LYPD6: variants seen among roughly 807,000 people sequenced by gnomAD.
LYPD6 encodes LY6/PLAUR domain containing 6, also known as ly6/PLAUR domain-containing protein 6.
LYPD6 carries 15 observed loss-of-function variants against 22.7 expected under a neutral mutation model. The ratio of observed to expected loss-of-function variants is 0.66; its 90% CI spans 0.44 to 1.02. The LOEUF is 1.02. Ranked by LOEUF, LYPD6 falls within the 50% of genes least tolerant of loss-of-function variation. The pLI, the probability that LYPD6 is intolerant of heterozygous loss-of-function variation, is 0.00. For missense variants in LYPD6, 189 were observed against 208.4 expected, an observed-to-expected ratio of 0.91 and a Z score of 0.57; for synonymous variants, 72 against 77.5, an observed-to-expected ratio of 0.93 and a Z score of 0.37.
At chr2:149,440,996 C>T (rs1683556097) in intron 2 of LYPD6, among the ~76,000 whole-genome samples, 1 of 152,062 alleles carries the variant, frequency 6.6e-6, no homozygotes, top group Admixed American at 6.5e-5. Flanking sequence ...TGAGCCACCG[C>T]GCCTGGCCTA....
intron 1 of LYPD6, among the ~76,000 whole-genome samples, chr2:149,339,730 C>T (rs1017362289): frequency 2.0e-4 from 31 of 152,094 alleles, no homozygotes; most frequent in Middle Eastern, 3.2e-3. Context: ...CTATGTAATA[C>T]CCCTACCTCC....
At chr2:149,395,536 C>A (rs1682410536) in intron 1 of LYPD6, among the ~76,000 whole-genome samples, 1 of 152,072 alleles carries the variant, frequency 6.6e-6, no homozygotes, top group African/African-American at 2.4e-5. Flanking sequence ...ACTTTTCCAG[C>A]CACCTGATTA....
intron 1 of LYPD6, among the ~76,000 whole-genome samples, chr2:149,409,856 A>G (rs1336628952): frequency 6.6e-6 from 1 of 152,144 alleles, no homozygotes; most frequent in African/African-American, 2.4e-5. Context: ...ACCATGAGCC[A>G]TCGAGAAAAG....
intron 3 of LYPD6, among the ~76,000 whole-genome samples, chr2:149,449,603 C>T (rs989327029): frequency 2.0e-5 from 3 of 152,030 alleles, no homozygotes; most frequent in African/African-American, 7.2e-5. Context: ...AAATAAAATC[C>T]CTGAGATTTT....
chr2:149,410,341 G>A (rs1682824905), intron 1 of LYPD6, among the ~76,000 whole-genome samples: 1 of 151,992 alleles, frequency 6.6e-6, no homozygotes, highest in African/African-American at 2.4e-5. Flanking sequence ...GTGAATATTT[G>A]TATGTGTTTG....
chr2:149,357,803 T>TTA (rs1681476394), intron 1 of LYPD6, among the ~76,000 whole-genome samples: 1 of 148,248 alleles, frequency 6.7e-6, no homozygotes, highest in East Asian at 1.9e-4. Context: ...TTTTTTTTTT[T>TTA]AAGACAGAAC....
chr2:149,400,608 G>A (rs1182401911), intron 1 of LYPD6, among the ~76,000 whole-genome samples: 3 of 118,440 alleles, frequency 2.5e-5, no homozygotes, highest in Non-Finnish European at 5.1e-5. Context: ...TTGACTAAAT[G>A]TCGTATATAA....
chr2:149,423,261 T>G (rs1277354084), intron 1 of LYPD6, among the ~76,000 whole-genome samples: 1 of 152,122 alleles, frequency 6.6e-6, no homozygotes, highest in African/African-American at 2.4e-5. Context: ...GTCAAGGAAT[T>G]AGATTGGCCT....
At chr2:149,395,737 G>T (rs572689434) in intron 1 of LYPD6, among the ~76,000 whole-genome samples, 5 of 152,028 alleles carry the variant, frequency 3.3e-5, no homozygotes, top group Non-Finnish European at 5.9e-5. Context: ...TTGATTGTTT[G>T]GAATGATGTT....
chr2:149,455,508 T>A (rs1369409226), intron 3 of LYPD6, among the ~76,000 whole-genome samples: 1 of 152,150 alleles, frequency 6.6e-6, no homozygotes, highest in Middle Eastern at 3.2e-3. Context: ...TCCACCCACC[T>A]CGGCCTTCCA....
intron 1 of LYPD6, among the ~76,000 whole-genome samples, chr2:149,384,714 A>AT (rs535578462): frequency 5.7e-4 from 86 of 151,878 alleles, no homozygotes; most frequent in Middle Eastern, 3.4e-3. Context: ...CTGTTTTTAA[A>AT]TTTTTTTTAT....
At chr2:149,428,967 T>C (rs1329303597) in intron 1 of LYPD6, among the ~76,000 whole-genome samples, 1 of 152,178 alleles carries the variant, frequency 6.6e-6, no homozygotes, top group African/African-American at 2.4e-5. Flanking sequence ...TTTGCATGCC[T>C]AGGCTAATGA....
chr2:149,453,299 A>T (rs1308992890), intron 3 of LYPD6, among the ~76,000 whole-genome samples: 1 of 152,208 alleles, frequency 6.6e-6, no homozygotes, highest in Non-Finnish European at 1.5e-5. Context: ...GTGCTGCAAG[A>T]TGAAAAGATC....
intron 1 of LYPD6, among the ~76,000 whole-genome samples, chr2:149,426,089 A>G (rs1683183174): frequency 6.6e-6 from 1 of 152,210 alleles, no homozygotes; most frequent in South Asian, 2.1e-4. Context: ...GGTTAGCCAT[A>G]GGGTTTTTAC....
chr2:149,422,202 C>T (rs542189393), intron 1 of LYPD6, among the ~76,000 whole-genome samples: 2 of 152,294 alleles, frequency 1.3e-5, no homozygotes, highest in Non-Finnish European at 2.9e-5. Context: ...GTACTATCTC[C>T]TTTAAACCTC....
chr2:149,354,515 A>G (rs1681416327), intron 1 of LYPD6, among the ~76,000 whole-genome samples: 1 of 152,100 alleles, frequency 6.6e-6, no homozygotes, highest in Admixed American at 6.6e-5. Context: ...CTCCTATAGC[A>G]TTTTAAAAGG....
At chr2:149,420,162 A>T (rs1457006760) in intron 1 of LYPD6, among the ~76,000 whole-genome samples, 4 of 152,162 alleles carry the variant, frequency 2.6e-5, no homozygotes, top group African/African-American at 9.7e-5. Flanking sequence ...AAGCATAGTT[A>T]CTCACAGTCC....
chr2:149,350,216 T>G (rs1420324088), intron 1 of LYPD6, among the ~76,000 whole-genome samples: 1 of 152,212 alleles, frequency 6.6e-6, no homozygotes, highest in Non-Finnish European at 1.5e-5. Context: ...CCCCACTTTT[T>G]CCTAGAATCT....
chr2:149,342,733 C>G (rs1681186228), intron 1 of LYPD6, among the ~76,000 whole-genome samples: 1 of 152,078 alleles, frequency 6.6e-6, no homozygotes, highest in Admixed American at 6.6e-5. Context: ...CTGTTCATTC[C>G]CATAGATTAG....
Sources: allele counts gnomAD v4.1 joint callset (sites outside exome capture counted in the v4.1 genomes callset), GRCh38; gene constraint gnomAD v4.1.1; transcripts MANE v1.5; gene names NCBI Gene and HGNC (gene_info 2026-07-23, HGNC 2026-07-21).